Variants in IGSF21 observed in about 807,000 individuals in gnomAD.
The protein encoded by IGSF21 is immunoglobin superfamily member 21, also known as immunoglobulin superfamily member 21.
Under a neutral mutation model 46.8 loss-of-function variants are expected in IGSF21, and 28 were observed. That is an observed-to-expected ratio of 0.60 (90% CI 0.44 to 0.82). IGSF21 has a LOEUF of 0.82. Ranked by LOEUF, IGSF21 falls within the 40% of genes least tolerant of loss-of-function variation. The pLI is 0.00. For missense variants in IGSF21, 624 were observed against 665.5 expected (o/e 0.94, Z 0.69); for synonymous variants, 284 against 273.6 (o/e 1.04, Z -0.38).
intron 3 of IGSF21, among the ~76,000 whole-genome samples, chr1:18,316,381 C>A (rs1410198026): frequency 1.3e-5 from 2 of 152,218 alleles, no homozygotes; most frequent in Non-Finnish European, 2.9e-5. Flanking sequence ...TTCCAGAAAC[C>A]ACAGCTGCCC....
chr1:18,337,873 C>T lies in IGSF21; in HGVS notation c.424+2863C>T, dbSNP rs1213071627. On this transcript the variant is annotated intron_variant, in intron 4 of 9. Transcript: ENST00000251296. This position sits in a 1 kb window ranked among gnomAD's most constrained non-coding sequence, Gnocchi z 5.7. The stretch of plus-strand genomic sequence containing the variant: ...AACTCACAGATGAAGAGACTGAGAC[C>T]CAGGGAAGGGAATGAATTTGCTCCA... Among the ~76,000 whole-genome samples the T allele has an allele frequency of 6.6e-6, 1 of 152,018 alleles. No homozygotes were observed. Among genetic ancestry groups the T allele is most frequent in the East Asian group, 1.9e-4 (1 of 5,182 alleles).
Position 18,334,864 on chromosome 1 carries a change from C to A in IGSF21, c.306-28C>A. 1 of 1,551,182 alleles carries A rather than the reference C, an allele frequency of 6.4e-7. No homozygotes were observed. The highest frequency in any genetic ancestry group is 8.9e-7 in the Non-Finnish European group (1 of 1,123,132). ...CCTCACCCAGCCCCACGATGAAGGGCCCTCACCCTGTCTTCTGCCTCCCCC... is the reference window on the plus strand; with the variant it reads ...CCTCACCCAGCCCCACGATGAAGGGACCTCACCCTGTCTTCTGCCTCCCCC... On this transcript the variant is annotated intron_variant, in intron 3 of 9. Coordinates refer to ENST00000251296, the MANE Select transcript of IGSF21 (RefSeq NM_032880.5). The surrounding 1 kb of genome is among the most constrained non-coding windows in gnomAD (Gnocchi z 4.3).
At chr1:18,375,078 G>A (rs1278368427) in intron 6 of IGSF21, among the ~76,000 whole-genome samples, 2 of 152,258 alleles carry the variant, frequency 1.3e-5, no homozygotes, top group Middle Eastern at 3.4e-3. Flanking sequence ...GAGGCACCCT[G>A]ACCACTATCT....
chr1:18,373,669 G>C (rs950434552), intron 6 of IGSF21, among the ~76,000 whole-genome samples: 2 of 152,040 alleles, frequency 1.3e-5, no homozygotes, highest in Non-Finnish European at 2.9e-5. Context: ...GTGGAAGAAG[G>C]CACCCATCTC....
chr1:18,376,739 C>T, intron 7 of IGSF21, 61 bp from the exon 8 acceptor site: 1 of 1,505,554 alleles, frequency 6.6e-7, no homozygotes, highest in Non-Finnish European at 9.0e-7. Context: ...CCCCTGACCC[C>T]TTGCTGATCT....
In IGSF21 at chr1:18,359,462, G is replaced by GGGAAGGAAGGAAGGAAGGAA. The variant is rs200525577; in HGVS notation, c.425-2620_425-2601dup. 1.1e-3 allele frequency among the ~76,000 whole-genome samples: 86 copies of GGGAAGGAAGGAAGGAAGGAA among 74,864 alleles called. 1 individual carries two copies. The highest frequency in any genetic ancestry group is 2.8e-3 in the Admixed American group (21 of 7,380). 49.1% of individuals were successfully genotyped at this position (74,864 alleles called of 152,430 possible). A position where few individuals can be genotyped will look rare whatever the true frequency, so the allele number is the denominator to read the frequency against. On this transcript the variant is annotated intron_variant, in intron 4 of 9. Coordinates refer to ENST00000251296, the MANE Select transcript of IGSF21 (RefSeq NM_032880.5). ...AGGAAAAGAGAAAGAAAGAAAGAAA[G>GGGAAGGAAGGAAGGAAGGAA]GGAAGGAAGGAAGGAAGGAAGGAAG...
chr1:18,318,308 C>T (rs1016380890), intron 3 of IGSF21, among the ~76,000 whole-genome samples: 1 of 152,164 alleles, frequency 6.6e-6, no homozygotes, highest in Admixed American at 6.5e-5. Flanking sequence ...TCAAAAAACA[C>T]GTCTCCTTAC....
At chr1:18,173,899 G>A (rs927433727) in intron 1 of IGSF21, among the ~76,000 whole-genome samples, 3 of 152,042 alleles carry the variant, frequency 2.0e-5, no homozygotes, top group African/African-American at 2.4e-5. Context: ...GACTACAGGC[G>A]AGTGCCACCA....
intron 1 of IGSF21, among the ~76,000 whole-genome samples, chr1:18,162,356 A>G (rs2086634949): frequency 6.6e-6 from 1 of 151,974 alleles, no homozygotes; most frequent in Non-Finnish European, 1.5e-5. Flanking sequence ...CCAATTTGCC[A>G]TTTTTCTACT....
intron 1 of IGSF21, among the ~76,000 whole-genome samples, chr1:18,117,291 A>G (rs1027835762): frequency 6.6e-6 from 1 of 152,206 alleles, no homozygotes; most frequent in Non-Finnish European, 1.5e-5. Flanking sequence ...CCCAGGCCCT[A>G]CCAAGATTGC....
At chr1:18,121,299 G>A (rs892078344) in intron 1 of IGSF21, among the ~76,000 whole-genome samples, 1 of 152,170 alleles carries the variant, frequency 6.6e-6, no homozygotes, top group African/African-American at 2.4e-5. Context: ...AGTAGCTGGA[G>A]CTCAGGGAGT....
chr1:18,236,667 A>G (rs2084675882), intron 2 of IGSF21, among the ~76,000 whole-genome samples: 1 of 152,220 alleles, frequency 6.6e-6, no homozygotes, highest in Non-Finnish European at 1.5e-5. Context: ...TAGAGATAGA[A>G]AAGTAGACCA....
At chr1:18,261,201 A>G (rs1159786257) in intron 2 of IGSF21, among the ~76,000 whole-genome samples, 8 of 152,222 alleles carry the variant, frequency 5.3e-5, no homozygotes, top group African/African-American at 1.7e-4. Flanking sequence ...ACTAAATGAG[A>G]GGACGCATGG....
chr1:18,129,768 C>T (rs2086301821), intron 1 of IGSF21, among the ~76,000 whole-genome samples: 1 of 152,168 alleles, frequency 6.6e-6, no homozygotes, highest in Non-Finnish European at 1.5e-5. Context: ...AATTTAATTG[C>T]CATTGTAGCA....
chr1:18,322,852 T>C lies in IGSF21; in HGVS notation c.306-12040T>C, dbSNP rs890075979. ...AAAAGAGGCCTGGAGAGGAAGCCGGTGGAGAAGAGCGGGAGATGTCGGAAT... is the reference window on the plus strand; with the variant it reads ...AAAAGAGGCCTGGAGAGGAAGCCGGCGGAGAAGAGCGGGAGATGTCGGAAT... On this transcript the variant is annotated intron_variant, in intron 3 of 9. Coordinates refer to ENST00000251296, the MANE Select transcript of IGSF21 (RefSeq NM_032880.5). The surrounding 1 kb of genome is among the most constrained non-coding windows in gnomAD (Gnocchi z 4.3). Among the ~76,000 whole-genome samples, 1 of 151,910 alleles carries C rather than the reference T, an allele frequency of 6.6e-6. No individual in the cohort carries two copies. The highest frequency in any genetic ancestry group is 2.4e-5 in the African/African-American group (1 of 41,310).
At chr1:18,231,226 A>T (rs75476024) in intron 2 of IGSF21, among the ~76,000 whole-genome samples, 2,942 of 152,312 alleles carry the variant, frequency 0.019, 76 homozygotes, top group East Asian at 0.13. Context: ...ACATTATCTT[A>T]GCAAAGGGAT....
chr1:18,355,829 CTTTTTTTTTTTTT>C (rs61589417), intron 4 of IGSF21, among the ~76,000 whole-genome samples: 2 of 88,986 alleles, frequency 2.2e-5, no homozygotes, highest in African/African-American at 8.7e-5. Context: ...TGTCTAGACT[CTTTTTTTTTTTTT>C]TTTTTTTTTT....
At position 18,335,731 on chromosome 1, in the gene IGSF21, T is replaced by G. The variant is rs1456542913; in HGVS notation, c.424+721T>G. Among the ~76,000 whole-genome samples the G allele has an allele frequency of 6.6e-6, 1 of 152,130 alleles. No homozygotes were observed. Among genetic ancestry groups the G allele is most frequent in the African/African-American group, 2.4e-5 (1 of 41,396 alleles). ...CGGTTTTCTTATCAAATAATACGTA[T>G]CAGGGAAACAAAGCTTGCGGTACAC... On this transcript the variant is annotated intron_variant, in intron 4 of 9. Coordinates refer to ENST00000251296, the MANE Select transcript of IGSF21 (RefSeq NM_032880.5). This position sits in a 1 kb window ranked among gnomAD's most constrained non-coding sequence, Gnocchi z 4.8.
intron 2 of IGSF21, among the ~76,000 whole-genome samples, chr1:18,243,921 C>T (rs1569615163): frequency 6.6e-6 from 1 of 152,208 alleles, no homozygotes; most frequent in East Asian, 1.9e-4. Flanking sequence ...TCCTCTGTCA[C>T]CTCCCCCATT....
Sources: gnomAD v4.1 joint callset for allele counts (sites outside exome capture counted in the v4.1 genomes callset) on GRCh38, gnomAD v4.1.1 for gene constraint, Gnocchi (gnomAD v3.1) non-coding constraint, MANE v1.5 for transcripts, NCBI Gene and HGNC (gene_info 2026-07-23, HGNC 2026-07-21) for gene names.